Variants in RBFOX1 observed in about 807,000 individuals in gnomAD.
RBFOX1 encodes RNA binding protein fox-1 homolog 1.
In RBFOX1, 8 loss-of-function variants were observed where a neutral mutation model predicts 57.7. That is an observed-to-expected ratio of 0.14 (90% confidence interval 0.08 to 0.25). The LOEUF (loss-of-function observed/expected upper bound fraction) is 0.25. Ranked by LOEUF, RBFOX1 falls within the 10% of genes least tolerant of loss-of-function variation. The pLI, the probability that RBFOX1 is intolerant of heterozygous loss-of-function variation, is 1.00. For synonymous variants in RBFOX1, 326 were observed against 222.4 expected, an observed-to-expected ratio of 1.47 and a Z score of -4.15; for missense variants, 611 against 548.5, an observed-to-expected ratio of 1.11 and a Z score of -1.14.
chr16:6,176,250 A>T (rs1334713370), intron 1 of RBFOX1, among the ~76,000 whole-genome samples: 1 of 150,898 alleles, frequency 6.6e-6, no homozygotes, highest in Non-Finnish European at 1.5e-5. Context: ...AGTTCAAGTA[A>T]TTCTCCTGCC....
intron 3 of RBFOX1, among the ~76,000 whole-genome samples, chr16:7,032,439 C>T (rs1247592438): frequency 1.3e-5 from 2 of 151,908 alleles, no homozygotes; most frequent in African/African-American, 4.8e-5. Flanking sequence ...AAGACTTCAT[C>T]TCAAAAAACA....
chr16:6,448,008 G>C (rs139404530), intron 2 of RBFOX1, among the ~76,000 whole-genome samples: 10 of 152,086 alleles, frequency 6.6e-5, no homozygotes, highest in Middle Eastern at 3.4e-3. Flanking sequence ...ATAACTTTAA[G>C]CATGGTAGTT....
chr16:7,142,619 T>C (rs2074067009), intron 4 of RBFOX1, among the ~76,000 whole-genome samples: 1 of 152,210 alleles, frequency 6.6e-6, no homozygotes, highest in South Asian at 2.1e-4. Flanking sequence ...ACTCATCTTC[T>C]GGACTGTCAA....
chr16:7,484,179 T>A (rs2064773405), intron 4 of RBFOX1, among the ~76,000 whole-genome samples: 1 of 152,234 alleles, frequency 6.6e-6, no homozygotes, highest in Non-Finnish European at 1.5e-5. Flanking sequence ...TTGTTCCTTT[T>A]CATTGCTGAG....
At chr16:7,676,894 G>A (rs1338835657) in intron 14 of RBFOX1, 56 bp downstream of exon 14, 5 of 1,504,858 alleles carry the variant, frequency 3.3e-6, no homozygotes, top group Non-Finnish European at 4.6e-6. Flanking sequence ...TTAGTTGATG[G>A]GAGAGGAGAT....
At chr16:6,997,037 C>T (rs910606738) in intron 3 of RBFOX1, among the ~76,000 whole-genome samples, 25 of 152,132 alleles carry the variant, frequency 1.6e-4, no homozygotes, top group Admixed American at 9.8e-4. Context: ...TTTATATGCA[C>T]GTATTTATAA....
At chr16:7,381,317 T>C (rs2097778708) in intron 4 of RBFOX1, among the ~76,000 whole-genome samples, 1 of 152,206 alleles carries the variant, frequency 6.6e-6, no homozygotes, top group Non-Finnish European at 1.5e-5. Flanking sequence ...ATTGTGCAAG[T>C]AATGCATATA....
intron 1 of RBFOX1, among the ~76,000 whole-genome samples, chr16:6,272,034 C>A (rs74005065): frequency 6.6e-6 from 1 of 152,088 alleles, no homozygotes; most frequent in African/African-American, 2.4e-5. Context: ...TCTTGATCAC[C>A]ATTGACTGTA....
At chr16:7,276,787 T>C (rs2095448724) in intron 4 of RBFOX1, among the ~76,000 whole-genome samples, 1 of 152,216 alleles carries the variant, frequency 6.6e-6, no homozygotes, top group Non-Finnish European at 1.5e-5. Context: ...ATACTGATTA[T>C]GCTACCAAAA....
intron 3 of RBFOX1, chr16:6,722,034 T>G (rs2066104287): frequency 6.6e-6 from 1 of 152,276 alleles, no homozygotes; most frequent in Non-Finnish European, 1.5e-5. Flanking sequence ...AAATGGTATT[T>G]CCTCCTATGT....
intron 4 of RBFOX1, among the ~76,000 whole-genome samples, chr16:7,070,801 T>C (rs1464682155): frequency 6.6e-6 from 1 of 152,144 alleles, no homozygotes; most frequent in Non-Finnish European, 1.5e-5. Context: ...CCCTTAGCCA[T>C]TCAGGTGGTG....
At chr16:6,251,311 G>A (rs1042726291) in intron 1 of RBFOX1, among the ~76,000 whole-genome samples, 1 of 152,090 alleles carries the variant, frequency 6.6e-6, no homozygotes, top group Non-Finnish European at 1.5e-5. Context: ...TTAAACTGGG[G>A]GGAAGCCCTG....
intron 2 of RBFOX1, among the ~76,000 whole-genome samples, chr16:6,504,938 T>C (rs2153190405): frequency 6.6e-6 from 1 of 152,140 alleles, no homozygotes; most frequent in African/African-American, 2.4e-5. Flanking sequence ...ACTGGGCTAG[T>C]GGCAGGTGCC....
At chr16:5,873,513 C>G (rs2057531905) in intron 4 of RBFOX1, among the ~76,000 whole-genome samples, 1 of 152,186 alleles carries the variant, frequency 6.6e-6, no homozygotes, top group African/African-American at 2.4e-5. Context: ...ATTCAAGAGT[C>G]CAGAATTCTC....
intron 1 of RBFOX1, among the ~76,000 whole-genome samples, chr16:6,065,391 TG>T (rs1398933444): frequency 6.6e-6 from 1 of 152,120 alleles, no homozygotes; most frequent in Non-Finnish European, 1.5e-5. Context: ...ATACAGCTGG[TG>T]GTCACAGTTT....
At chr16:6,395,691 C>A (rs913502846) in intron 2 of RBFOX1, among the ~76,000 whole-genome samples, 1 of 151,848 alleles carries the variant, frequency 6.6e-6, no homozygotes, top group African/African-American at 2.4e-5. Context: ...ATATCAATAC[C>A]ATCTATATAC....
intron 4 of RBFOX1, among the ~76,000 whole-genome samples, chr16:7,098,350 A>G (rs944945115): frequency 6.6e-6 from 1 of 152,030 alleles, no homozygotes; most frequent in Non-Finnish European, 1.5e-5. Context: ...TTATATTTTT[A>G]GTGGAGATGG....
chr16:5,938,967 A>G (rs2059225758), intron 4 of RBFOX1, among the ~76,000 whole-genome samples: 1 of 152,194 alleles, frequency 6.6e-6, no homozygotes, highest in African/African-American at 2.4e-5. Flanking sequence ...GCTGGCAACC[A>G]TCATTATCAG....
chr16:6,390,684 T>A (rs1361637834), intron 2 of RBFOX1, among the ~76,000 whole-genome samples: 1 of 152,186 alleles, frequency 6.6e-6, no homozygotes, highest in Non-Finnish European at 1.5e-5. Context: ...TTATAAATGA[T>A]GACTTTTACA....
Sources: allele counts gnomAD v4.1 joint callset (sites outside exome capture counted in the v4.1 genomes callset), GRCh38; gene constraint gnomAD v4.1.1; transcripts MANE v1.5; gene names NCBI Gene and HGNC (gene_info 2026-07-23, HGNC 2026-07-21).